The following ARPP21 variants were observed in gnomAD, a reference collection of about 807,000 sequenced individuals.
ARPP21 encodes the protein cAMP regulated phosphoprotein 21.
ARPP21 carries 69 observed loss-of-function variants against 113.2 expected under a neutral mutation model. That is an observed-to-expected ratio of 0.61 (90% CI 0.50 to 0.74). The LOEUF (loss-of-function observed/expected upper bound fraction) is 0.74. Among genes scored for constraint, ARPP21 ranks in the 30% least tolerant of loss-of-function variants. The pLI is 0.00. For synonymous variants in ARPP21, 368 were observed against 375.5 expected, an observed-to-expected ratio of 0.98 and a Z score of 0.23; for missense variants, 1,070 against 1,037.4, an observed-to-expected ratio of 1.03 and a Z score of -0.43.
At chr3:35,665,212 A>G (rs959701819) in intron 1 of ARPP21, among the ~76,000 whole-genome samples, 5 of 152,198 alleles carry the variant, frequency 3.3e-5, no homozygotes, top group Admixed American at 3.3e-4. Context: ...GACTAGAAGA[A>G]GAACAGAGTC....
intron 1 of ARPP21, among the ~76,000 whole-genome samples, chr3:35,647,863 T>C (rs1026814952): frequency 1.3e-5 from 2 of 152,186 alleles, no homozygotes; most frequent in African/African-American, 4.8e-5. Context: ...CTTTCTCATT[T>C]ATGAGGTGGG....
intron 11 of ARPP21, among the ~76,000 whole-genome samples, chr3:35,711,580 G>C (rs961663716): frequency 1.3e-5 from 2 of 152,166 alleles, no homozygotes; most frequent in African/African-American, 4.8e-5. Context: ...TGGGTCAGGA[G>C]TCTGGGAGTA....
rs146682753 is a variant in ARPP21 at position 35,745,895 on chromosome 3, C to T, written c.2137+1930C>T. Reference sequence around the variant, plus strand: ...GGTTTGTCACATTCTCCCACATCACCGCAAAAATGACCCTCCCAAGGTAAG... The same window carrying T: ...GGTTTGTCACATTCTCCCACATCACTGCAAAAATGACCCTCCCAAGGTAAG... On this transcript the variant is annotated intron_variant, in intron 19 of 20. Coordinates refer to ENST00000684406, the MANE Select transcript of ARPP21 (RefSeq NM_001385562.1). Among the ~76,000 whole-genome samples the T allele has an allele frequency of 2.9e-3, 444 of 152,174 alleles. 2 individuals carry two copies. The highest frequency in any genetic ancestry group is 1.0e-2 in the African/African-American group (414 of 41,526).
chr3:35,780,276 A>G (rs746677303), intron 19 of ARPP21, among the ~76,000 whole-genome samples: 12 of 152,216 alleles, frequency 7.9e-5, no homozygotes, highest in African/African-American at 1.2e-4. Context: ...TGTTTAAGAT[A>G]TGCTTCTTTT....
intron 15 of ARPP21, among the ~76,000 whole-genome samples, chr3:35,730,252 G>A (rs1460381531): frequency 6.6e-6 from 1 of 152,162 alleles, no homozygotes; most frequent in Admixed American, 6.5e-5. Flanking sequence ...AAGACTGAGG[G>A]CACTGAGATT....
intron 19 of ARPP21, among the ~76,000 whole-genome samples, chr3:35,744,304 C>A (rs924934191): frequency 1.3e-5 from 2 of 151,816 alleles, no homozygotes; most frequent in African/African-American, 4.8e-5. Flanking sequence ...GAAGAGAGTG[C>A]TTCCTCTGTT....
At chr3:35,729,734 C>A (rs532258539) in intron 15 of ARPP21, among the ~76,000 whole-genome samples, 198 bp downstream of exon 15, 4 of 152,302 alleles carry the variant, frequency 2.6e-5, no homozygotes, top group Non-Finnish European at 5.9e-5. Context: ...ATCTTCATAT[C>A]AATATCTATA....
chr3:35,684,055 A>G, intron 5 of ARPP21: 2 of 1,597,238 alleles, frequency 1.3e-6, no homozygotes, highest in Non-Finnish European at 8.5e-7. Flanking sequence ...AGGAATTCAA[A>G]AGAATTTAGA....
At position 35,739,312 on chromosome 3, in the gene ARPP21, T is replaced by C; in HGVS notation, c.1750-5T>C. 1 of 1,612,786 alleles carries C rather than the reference T, an allele frequency of 6.2e-7. No homozygotes were observed. The highest frequency in any genetic ancestry group is 1.1e-5 in the South Asian group (1 of 90,842). On this transcript the variant is annotated splice_region_variant and splice_polypyrimidine_tract_variant and intron_variant, in intron 17 of 20. Transcript: ENST00000684406. ...AATTCCCTCATTTATTTCCATGACTTGCAGAGAGATGATGTGGCAACACAG... is the reference window on the plus strand; with the variant it reads ...AATTCCCTCATTTATTTCCATGACTCGCAGAGAGATGATGTGGCAACACAG...
At chr3:35,689,185 T>C (rs2081510758) in intron 6 of ARPP21, 122 bp from the exon 7 acceptor site, 1 of 673,482 alleles carries the variant, frequency 1.5e-6, no homozygotes, top group Non-Finnish European at 2.7e-6. Flanking sequence ...CATGTATTTT[T>C]ATACCAACAG....
At chr3:35,649,509 C>T (rs1278145807) in intron 1 of ARPP21, among the ~76,000 whole-genome samples, 2 of 152,134 alleles carry the variant, frequency 1.3e-5, no homozygotes, top group Non-Finnish European at 2.9e-5. Context: ...ACAAATATTT[C>T]CAAATCATTG....
intron 5 of ARPP21, chr3:35,685,512 T>G (rs2080293132): frequency 1.0e-6 from 1 of 985,198 alleles, no homozygotes; most frequent in South Asian, 4.7e-5. Context: ...CACCGGCACT[T>G]ACAAAATGTG....
At chr3:35,724,760 C>A (rs1053140324) in intron 14 of ARPP21, among the ~76,000 whole-genome samples, 18 of 152,152 alleles carry the variant, frequency 1.2e-4, no homozygotes, top group African/African-American at 4.1e-4. Context: ...ATGCAAGACA[C>A]CCCATGTTTC....
chr3:35,739,257 T>A, intron 17 of ARPP21, 60 bp from the exon 18 acceptor site: 2 of 1,571,472 alleles, frequency 1.3e-6, no homozygotes, highest in Non-Finnish European at 1.7e-6. Context: ...TGCCTCAGAG[T>A]GCCTCTCTTA....
At chr3:35,709,151 G>A in intron 11 of ARPP21, 81 bp downstream of exon 11, 2 of 949,000 alleles carry the variant, frequency 2.1e-6, no homozygotes, top group African/African-American at 1.7e-5. Context: ...ACAGCGAGGT[G>A]GCAGGGAATA....
At chr3:35,678,273 A>T (rs1255357478) in intron 1 of ARPP21, among the ~76,000 whole-genome samples, 1 of 151,940 alleles carries the variant, frequency 6.6e-6, no homozygotes, top group Non-Finnish European at 1.5e-5. Flanking sequence ...AAATCAAAAG[A>T]GTTTCTGTGA....
chr3:35,745,400 A>G (rs1199807670), intron 19 of ARPP21, among the ~76,000 whole-genome samples: 1 of 152,204 alleles, frequency 6.6e-6, no homozygotes, highest in African/African-American at 2.4e-5. Flanking sequence ...GCTATGTGCA[A>G]GTTTTCTACT....
At chr3:35,673,251 C>T (rs1376103344) in intron 1 of ARPP21, among the ~76,000 whole-genome samples, 5 of 152,016 alleles carry the variant, frequency 3.3e-5, no homozygotes, top group African/African-American at 4.8e-5. Context: ...GCCCTCTGTC[C>T]CTCCCTTTTG....
chr3:35,715,195 T>G (rs1016392266), intron 11 of ARPP21: 3 of 413,584 alleles, frequency 7.3e-6, no homozygotes, highest in African/African-American at 6.0e-5. Flanking sequence ...CTGACCTCCA[T>G]GCCGAACAGA....
Sources: gnomAD v4.1 joint callset for allele counts (sites outside exome capture counted in the v4.1 genomes callset) on GRCh38, gnomAD v4.1.1 for gene constraint, MANE v1.5 for transcripts, NCBI Gene and HGNC (gene_info 2026-07-23, HGNC 2026-07-21) for gene names.